Variants in NFIB observed in about 807,000 individuals in gnomAD.
NFIB encodes nuclear factor 1 B-type.
NFIB carries 11 observed loss-of-function variants against 61.5 expected under a neutral mutation model. That is an observed-to-expected ratio of 0.18 (90% CI 0.11 to 0.30). NFIB has a LOEUF of 0.30. NFIB is among the 10% of genes least tolerant of loss of function. The pLI, the probability that NFIB is intolerant of heterozygous loss-of-function variation, is 1.00. For missense variants in NFIB, 471 were observed against 608.9 expected, an observed-to-expected ratio of 0.77 and a Z score of 2.38; for synonymous variants, 260 against 216.5, an observed-to-expected ratio of 1.20 and a Z score of -1.76.
In NFIB at chr9:14,087,181, TTAAA is replaced by T. The variant is rs1347016492; in HGVS notation, c.*1124_*1127del. The stretch of plus-strand genomic sequence containing the variant: ...TGGGTTCTTGATGCAACCAGTAATT[TTAAA>T]TAAATAAATTCTACCTCCAAGGAGG... On this transcript the variant is annotated 3_prime_UTR_variant, in exon 11 of 11. Transcript: ENST00000380953. 2.5e-5 allele frequency: 5 copies of T among 200,768 alleles called. No individual in the cohort carries two copies. Among genetic ancestry groups the T allele is most frequent in the Non-Finnish European group, 4.1e-5 (4 of 97,090 alleles). 12.4% of individuals were successfully genotyped at this position (200,768 alleles called of 1,614,324 possible).
the NFIB span, among the ~76,000 whole-genome samples, chr9:14,494,274 T>C: frequency 4.6e-5 from 7 of 152,232 alleles, no homozygotes; most frequent in Non-Finnish European, 1.0e-4. Context: ...ACAGCAATCT[T>C]ATACTTGATT....
chr9:14,402,026 T>TA (rs1322099538), upstream of NFIB, among the ~76,000 whole-genome samples: 2 of 152,164 alleles, frequency 1.3e-5, no homozygotes, highest in African/African-American at 4.8e-5. Context: ...ACAACTTATT[T>TA]AAAAAAATTC....
At chr9:14,441,167 A>AAC in the NFIB span, among the ~76,000 whole-genome samples, 1 of 149,898 alleles carries the variant, frequency 6.7e-6, no homozygotes, top group African/African-American at 2.4e-5. Flanking sequence ...AGAGAAAACA[A>AAC]AAAAAAAAAT....
intron 2 of NFIB, among the ~76,000 whole-genome samples, chr9:14,277,738 A>C (rs2058097810): frequency 6.6e-6 from 1 of 152,232 alleles, no homozygotes; most frequent in Non-Finnish European, 1.5e-5. Context: ...AGTACATTTA[A>C]GCTGGAACTT....
the NFIB span, among the ~76,000 whole-genome samples, chr9:14,417,744 T>TA: frequency 1.9e-4 from 28 of 150,260 alleles, no homozygotes; most frequent in South Asian, 5.7e-3. Context: ...TGTCATAAAT[T>TA]AAAATCTCTT....
In NFIB at chr9:14,366,431, G is replaced by A. The variant is rs137933298; in HGVS notation, c.108+32093C>T. Reference sequence around the variant, plus strand: ...ACAAGACCACTTCCTATTCCCTAGCGGATATGTGTGTCTTTCCTTTCTGTA... The same window carrying A: ...ACAAGACCACTTCCTATTCCCTAGCAGATATGTGTGTCTTTCCTTTCTGTA... On this transcript the variant is annotated intron_variant, in intron 1 of 8. Transcript: ENST00000380934. Among the ~76,000 whole-genome samples, 8 of 152,160 alleles carry A rather than the reference G, an allele frequency of 5.3e-5. No homozygotes were observed. In the East Asian group the frequency reaches 1.2e-3, roughly 22 times the overall value.
At chr9:14,456,374 C>A in the NFIB span, among the ~76,000 whole-genome samples, 19 of 152,006 alleles carry the variant, frequency 1.2e-4, no homozygotes, top group Admixed American at 3.9e-4. Context: ...TTCTGGAAGG[C>A]AAAAATCACC....
intron 2 of NFIB, among the ~76,000 whole-genome samples, chr9:14,189,599 TA>T (rs34433215): frequency 0.49 from 70,509 of 144,350 alleles, 21,089 homozygotes; most frequent in Non-Finnish European, 0.68. Flanking sequence ...CTCCCCCTCC[TA>T]AAAAAAAAAA....
chr9:14,220,802 C>T lies in NFIB; in HGVS notation c.563-41022G>A, dbSNP rs184373651. Among the ~76,000 whole-genome samples, 278 of 150,248 alleles carry T rather than the reference C, an allele frequency of 1.9e-3. 1 individual carries two copies. The highest frequency in any genetic ancestry group is 6.6e-3 in the African/African-American group (272 of 40,928). On this transcript the variant is annotated intron_variant, in intron 2 of 10. Coordinates refer to ENST00000380953, the MANE Select transcript of NFIB (RefSeq NM_001190737.2). ...GCCCAGTGCAGATGAGGTTCCACCA[C>T]CCGAAGTTTCTGCTCTATATCCAGT... is the stretch of plus-strand genomic sequence containing the variant.
At chr9:14,266,466 A>C (rs2057209448) in intron 2 of NFIB, among the ~76,000 whole-genome samples, 2 of 151,994 alleles carry the variant, frequency 1.3e-5, no homozygotes, top group African/African-American at 4.8e-5. Flanking sequence ...ATTGTGTCCC[A>C]TGCCTGTGAT....
the NFIB span, among the ~76,000 whole-genome samples, chr9:14,523,144 C>T: frequency 6.6e-6 from 1 of 151,892 alleles, no homozygotes. Flanking sequence ...TTCATGAGAG[C>T]CCTGAGGAAA....
At chr9:14,458,202 C>G in the NFIB span, among the ~76,000 whole-genome samples, 1 of 152,180 alleles carries the variant, frequency 6.6e-6, no homozygotes, top group African/African-American at 2.4e-5. Context: ...GGATGCAAGG[C>G]TGGTTCAACA....
At chr9:14,327,750 C>T (rs906802704) in intron 1 of NFIB, among the ~76,000 whole-genome samples, 3 of 152,004 alleles carry the variant, frequency 2.0e-5, no homozygotes, top group Non-Finnish European at 2.9e-5. Context: ...CATATAGAAA[C>T]CAAAGAAAAA....
At chr9:14,402,193 A>C (rs1267783975), upstream of NFIB, among the ~76,000 whole-genome samples, 1 of 152,194 alleles carries the variant, frequency 6.6e-6, no homozygotes, top group Non-Finnish European at 1.5e-5. Context: ...GGCTTAGATG[A>C]AGCTGGATGA....
the NFIB span, among the ~76,000 whole-genome samples, chr9:14,417,506 C>G: frequency 4.1e-4 from 62 of 152,270 alleles, no homozygotes; most frequent in Non-Finnish European, 8.2e-4. Flanking sequence ...GGACACCTAC[C>G]AAGATGATGG....
the NFIB span, among the ~76,000 whole-genome samples, chr9:14,509,609 C>T: frequency 6.6e-6 from 1 of 152,200 alleles, no homozygotes; most frequent in East Asian, 1.9e-4. Flanking sequence ...AACAGTACTC[C>T]TTGCCCTCTC....
chr9:14,280,437 G>T (rs779676772), intron 2 of NFIB, among the ~76,000 whole-genome samples: 1 of 152,070 alleles, frequency 6.6e-6, no homozygotes, highest in Non-Finnish European at 1.5e-5. Flanking sequence ...CCTTACCAAG[G>T]AGGACCTATC....
upstream of NFIB, among the ~76,000 whole-genome samples, chr9:14,315,063 G>C (rs1402091456): frequency 6.6e-6 from 1 of 151,964 alleles, no homozygotes; most frequent in African/African-American, 2.4e-5. Context: ...CGCGGAGCCT[G>C]CGGCTGCCGG....
In NFIB at chr9:14,223,742, A is replaced by C. The variant is rs536378470; in HGVS notation, c.563-43962T>G. Among the ~76,000 whole-genome samples, 4 of 152,352 alleles carry C rather than the reference A, an allele frequency of 2.6e-5. No individual in the cohort carries two copies. The East Asian group carries it at 7.7e-4, about 29-fold the overall frequency. On this transcript the variant is annotated intron_variant, in intron 2 of 10. Coordinates refer to ENST00000380953, the MANE Select transcript of NFIB (RefSeq NM_001190737.2). ...GGAAATGCAAACGCAGAAAAATCTTATCAGCTCTAGCTCAATTCCTCTAAA... is the reference window on the plus strand; with the variant it reads ...GGAAATGCAAACGCAGAAAAATCTTCTCAGCTCTAGCTCAATTCCTCTAAA...
Sources: gnomAD v4.1 joint callset for allele counts (sites outside exome capture counted in the v4.1 genomes callset) on GRCh38, gnomAD v4.1.1 for gene constraint, MANE v1.5 for transcripts, NCBI Gene and HGNC (gene_info 2026-07-23, HGNC 2026-07-21) for gene names.